The following GALNT1 variants were observed in gnomAD, a reference collection of about 807,000 sequenced individuals.
GALNT1 encodes polypeptide N-acetylgalactosaminyltransferase 1.
Under a neutral mutation model 65.7 loss-of-function variants are expected in GALNT1, and 17 were observed. That is an observed-to-expected ratio of 0.26 (90% CI 0.18 to 0.39). The LOEUF (loss-of-function observed/expected upper bound fraction) is 0.39, where lower values mean the gene tolerates loss of function less well. Among genes scored for constraint, GALNT1 ranks in the 10% least tolerant of loss-of-function variants. The pLI is 1.00. For synonymous variants in GALNT1, 210 were observed against 219.7 expected, an observed-to-expected ratio of 0.96 and a Z score of 0.39; for missense variants, 460 against 672.8, an observed-to-expected ratio of 0.68 and a Z score of 3.50.
chr18:35,588,359 AT>A (rs1798105441), intron 1 of GALNT1, among the ~76,000 whole-genome samples: 1 of 151,966 alleles, frequency 6.6e-6, no homozygotes, highest in Admixed American at 6.5e-5. Context: ...TGTTCTCAGG[AT>A]TTTTTCTTCG....
chr18:35,709,258 T>G (rs1341382033), intron 11 of GALNT1, among the ~76,000 whole-genome samples: 1 of 152,186 alleles, frequency 6.6e-6, no homozygotes, highest in Non-Finnish European at 1.5e-5. Flanking sequence ...CTGGTCTTTT[T>G]TTGTTGTTTA....
At chr18:35,630,098 A>G (rs1417019891) in intron 1 of GALNT1, among the ~76,000 whole-genome samples, 1 of 152,212 alleles carries the variant, frequency 6.6e-6, no homozygotes, top group Non-Finnish European at 1.5e-5. Flanking sequence ...CCACGCAATA[A>G]TAATGGGAGA....
chr18:35,629,415 A>G (rs958827895), intron 1 of GALNT1, among the ~76,000 whole-genome samples: 3 of 152,238 alleles, frequency 2.0e-5, no homozygotes, highest in Admixed American at 6.5e-5. Flanking sequence ...CCAATATTCA[A>G]CATTCTTAAA....
At chr18:35,695,635 A>G (rs1035477527) in intron 9 of GALNT1, among the ~76,000 whole-genome samples, 1 of 152,208 alleles carries the variant, frequency 6.6e-6, no homozygotes, top group Non-Finnish European at 1.5e-5. Context: ...CCTAACAGTT[A>G]CTAAGGCTAC....
chr18:35,622,202 A>AT (rs921695428), intron 1 of GALNT1, among the ~76,000 whole-genome samples: 3 of 151,542 alleles, frequency 2.0e-5, no homozygotes, highest in African/African-American at 4.8e-5. Flanking sequence ...GTATTCCTTA[A>AT]TTTTTTTGTA....
chr18:35,708,223 C>T (rs1449996562), intron 11 of GALNT1, among the ~76,000 whole-genome samples: 2 of 151,994 alleles, frequency 1.3e-5, no homozygotes, highest in African/African-American at 2.4e-5. Flanking sequence ...TCTCAATAAA[C>T]TACACAAAGT....
chr18:35,682,230 C>T (rs1598804656), intron 4 of GALNT1, among the ~76,000 whole-genome samples: 1 of 151,796 alleles, frequency 6.6e-6, no homozygotes, highest in African/African-American at 2.4e-5. Flanking sequence ...TAGTGGGACA[C>T]ATAGGCCTTT....
At chr18:35,683,682 A>G (rs2047820110) in intron 5 of GALNT1, 84 bp downstream of exon 5, 1 of 1,062,776 alleles carries the variant, frequency 9.4e-7, no homozygotes, top group Non-Finnish European at 1.3e-6. Flanking sequence ...TATTTTTTAA[A>G]TAAATATAAA....
chr18:35,693,115 G>A (rs539453636), intron 9 of GALNT1, among the ~76,000 whole-genome samples: 56 of 152,284 alleles, frequency 3.7e-4, no homozygotes, highest in African/African-American at 1.2e-3. Context: ...ACAAGTGAGC[G>A]TGGGTAGTAG....
At chr18:35,647,918 G>A (rs542403632) in intron 1 of GALNT1, among the ~76,000 whole-genome samples, 3 of 151,894 alleles carry the variant, frequency 2.0e-5, no homozygotes, top group South Asian at 2.1e-4. Context: ...GTGGTGGTGC[G>A]TGCCTGTAAT....
intron 11 of GALNT1, among the ~76,000 whole-genome samples, chr18:35,705,089 A>G (rs1483401459): frequency 6.6e-6 from 1 of 152,164 alleles, no homozygotes; most frequent in Non-Finnish European, 1.5e-5. Flanking sequence ...ATGTTGTCCC[A>G]AGTTACTGAC....
intron 1 of GALNT1, among the ~76,000 whole-genome samples, chr18:35,614,230 G>A (rs555378769): frequency 6.6e-6 from 1 of 152,278 alleles, no homozygotes; most frequent in South Asian, 2.1e-4. Flanking sequence ...ATTCAGCAGT[G>A]TATAAAGGAA....
At chr18:35,613,593 AG>A (rs1335712493) in intron 1 of GALNT1, among the ~76,000 whole-genome samples, 1 of 152,096 alleles carries the variant, frequency 6.6e-6, no homozygotes, top group Non-Finnish European at 1.5e-5. Context: ...GGGTGGCCAT[AG>A]GGTACCAGAC....
chr18:35,708,328 AACCTAAAGACAGTATCAGTAGTGAC>A (rs1230010082), intron 11 of GALNT1, among the ~76,000 whole-genome samples: 3 of 152,328 alleles, frequency 2.0e-5, no homozygotes, highest in Non-Finnish European at 4.4e-5. Context: ...TAGAATCCTG[AACCTAAAGACAGTATCAGTAGTGAC>A]ATCTGCAAAG....
intron 7 of GALNT1, among the ~76,000 whole-genome samples, chr18:35,690,041 T>C (rs2047933492): frequency 2.0e-5 from 3 of 152,156 alleles, no homozygotes; most frequent in Admixed American, 1.3e-4. Context: ...TGGGAAAACT[T>C]GAAGGTAGGA....
intron 4 of GALNT1, 135 bp from the exon 5 acceptor site, chr18:35,683,256 G>T: frequency 1.5e-6 from 1 of 648,824 alleles, no homozygotes; most frequent in Non-Finnish European, 2.6e-6. Context: ...TAGCAGAATG[G>T]GTTTATGAGT....
chr18:35,706,813 G>A (rs1318484725), intron 11 of GALNT1, among the ~76,000 whole-genome samples: 1 of 152,216 alleles, frequency 6.6e-6, no homozygotes, highest in African/African-American at 2.4e-5. Flanking sequence ...CATCAGAATC[G>A]TCCTGCCTCC....
intron 2 of GALNT1, among the ~76,000 whole-genome samples, chr18:35,657,068 G>A (rs963739282): frequency 1.3e-5 from 2 of 149,872 alleles, no homozygotes; most frequent in Non-Finnish European, 3.0e-5. Context: ...ATGAAGTTGA[G>A]TTTGGAATTT....
intron 4 of GALNT1, among the ~76,000 whole-genome samples, chr18:35,678,164 C>CT (rs1242442082): frequency 1.3e-5 from 2 of 152,150 alleles, no homozygotes; most frequent in Non-Finnish European, 1.5e-5. Context: ...GGAAATATCT[C>CT]TGACAGCAAA....
Sources: gnomAD v4.1 joint callset for allele counts (sites outside exome capture counted in the v4.1 genomes callset) on GRCh38, gnomAD v4.1.1 for gene constraint, MANE v1.5 for transcripts, NCBI Gene and HGNC (gene_info 2026-07-23, HGNC 2026-07-21) for gene names.